The following ARIH1 variants were observed in gnomAD, a reference collection of about 807,000 sequenced individuals.
The protein encoded by ARIH1 is E3 ubiquitin-protein ligase ARIH1.
In ARIH1, 8 loss-of-function variants were observed where a neutral mutation model predicts 85.0. The ratio of observed to expected loss-of-function variants is 0.09; its 90% CI spans 0.06 to 0.17. The LOEUF (loss-of-function observed/expected upper bound fraction) is 0.17. ARIH1 is among the 10% of genes least tolerant of loss of function. ARIH1 has a pLI of 1.00. For synonymous variants in ARIH1, 238 were observed against 253.6 expected (o/e 0.94, Z 0.59); for missense variants, 311 against 718.1 (o/e 0.43, Z 6.48).
chr15:72,484,357 C>T (rs1173850269), intron 1 of ARIH1, among the ~76,000 whole-genome samples: 1 of 151,792 alleles, frequency 6.6e-6, no homozygotes, highest in Non-Finnish European at 1.5e-5. Context: ...GATTTTGGTG[C>T]ACCCATCATC....
intron 2 of ARIH1, among the ~76,000 whole-genome samples, chr15:72,521,782 C>G (rs1312298902): frequency 2.0e-5 from 3 of 152,188 alleles, no homozygotes; most frequent in Admixed American, 2.0e-4. Flanking sequence ...CTCCTGACTT[C>G]AGGTGATCTT....
chr15:72,536,978 A>T lies in ARIH1; in HGVS notation c.444-7842A>T, dbSNP rs919150874. On this transcript the variant is annotated intron_variant, in intron 2 of 13. Transcript: ENST00000379887. ...TACTTTTTCTGAAAAATATATGAGC[A>T]GTATGTATATTTAGCTATAAAAACT... 2.0e-5 allele frequency among the ~76,000 whole-genome samples: 3 copies of T among 152,180 alleles called. No homozygotes were observed. The South Asian group carries it at 6.2e-4, about 32-fold the overall frequency.
chr15:72,593,490 C>T lies in ARIH1; in HGVS notation c.*10198C>T, dbSNP rs955281542. On this transcript the variant is annotated 3_prime_UTR_variant, in exon 14 of 14. Transcript: ENST00000379887. ...TTATGTTTAGGTCTGTGATCCATCT[C>T]AAATTAATTTTTGTGAACAGAATGA... The T allele has an allele frequency of 4.6e-5, 7 of 152,192 alleles. No individual in the cohort carries two copies. The highest frequency in any genetic ancestry group is 1.7e-4 in the African/African-American group (7 of 41,434). 9.4% of individuals were successfully genotyped at this position (152,192 alleles called of 1,614,324 possible). A position where few individuals can be genotyped will look rare whatever the true frequency, so the allele number is the denominator to read the frequency against.
rs2140429443 is a variant in ARIH1 at position 72,556,000 on chromosome 15, T to C, written c.737+93T>C. 2 of 1,153,128 alleles carry C rather than the reference T, an allele frequency of 1.7e-6. 1 individual carries two copies. The highest frequency in any genetic ancestry group is 2.8e-5 in the South Asian group (2 of 72,292). 71.4% of individuals were successfully genotyped at this position (1,153,128 alleles called of 1,614,324 possible). The stretch of plus-strand genomic sequence containing the variant: ...TAGTACCTCAAAGGAAGTGAAACTT[T>C]TTAAAGTCTGAAGAAACTTTTTAAT... On this transcript the variant is annotated intron_variant, in intron 5 of 13. Coordinates refer to ENST00000379887, the MANE Select transcript of ARIH1 (RefSeq NM_005744.5).
At chr15:72,536,935 T>C (rs954145683) in intron 2 of ARIH1, among the ~76,000 whole-genome samples, 2 of 152,168 alleles carry the variant, frequency 1.3e-5, no homozygotes, top group African/African-American at 2.4e-5. Flanking sequence ...AAAAATCTTA[T>C]GGCCTCAAAA....
At chr15:72,497,233 A>G (rs1244341251) in intron 1 of ARIH1, among the ~76,000 whole-genome samples, 1 of 152,218 alleles carries the variant, frequency 6.6e-6, no homozygotes, top group Non-Finnish European at 1.5e-5. Flanking sequence ...GGGAGGAGAA[A>G]CAGAGAAGAT....
rs2064368439 is a variant in ARIH1, at chr15:72,597,712, C to CAGGTAAGGTT, written c.*14421_*14422insGGTAAGGTTA. The CAGGTAAGGTT allele has an allele frequency of 2.0e-5, 3 of 152,300 alleles. No individual in the cohort carries two copies. The East Asian group carries it at 5.8e-4, about 29-fold the overall frequency. 9.4% of individuals were successfully genotyped at this position (152,300 alleles called of 1,614,324 possible). ...ACTACACCTTCCTGTACCTGGTTAT[C>CAGGTAAGGTT]ATCTAAGGGGTAAGATTGGTGGGAA... On this transcript the variant is annotated 3_prime_UTR_variant, in exon 14 of 14. Transcript: ENST00000379887.
chr15:72,541,772 C>CT (rs2064108501), intron 2 of ARIH1, among the ~76,000 whole-genome samples: 1 of 152,126 alleles, frequency 6.6e-6, no homozygotes, highest in Non-Finnish European at 1.5e-5. Context: ...TAAGAAGAAA[C>CT]TAAGTGCTTG....
intron 3 of ARIH1, among the ~76,000 whole-genome samples, chr15:72,547,356 C>G (rs2064134258): frequency 1.3e-5 from 2 of 151,988 alleles, no homozygotes; most frequent in African/African-American, 4.8e-5. Flanking sequence ...CCTCAGCCTC[C>G]CGAGTAGCTG....
chr15:72,497,021 G>C (rs1000957124), intron 1 of ARIH1, among the ~76,000 whole-genome samples: 2 of 152,244 alleles, frequency 1.3e-5, no homozygotes, highest in Non-Finnish European at 2.9e-5. Context: ...TGATGTACTT[G>C]TAAAGGGCAC....
At chr15:72,502,815 A>G (rs2063909200) in intron 1 of ARIH1, among the ~76,000 whole-genome samples, 1 of 152,146 alleles carries the variant, frequency 6.6e-6, no homozygotes, top group Non-Finnish European at 1.5e-5. Flanking sequence ...TAAATAAAAT[A>G]AAATTAAAAA....
At chr15:72,576,629 G>A (rs2064272706) in intron 11 of ARIH1, among the ~76,000 whole-genome samples, 2 of 151,436 alleles carry the variant, frequency 1.3e-5, no homozygotes, top group South Asian at 4.2e-4. Flanking sequence ...ATTCCCTCTA[G>A]AGATTTATGG....
intron 3 of ARIH1, among the ~76,000 whole-genome samples, 175 bp downstream of exon 3, chr15:72,545,139 C>G (rs1363545416): frequency 2.6e-5 from 4 of 152,258 alleles, no homozygotes; most frequent in Middle Eastern, 6.8e-3. Context: ...CTTGGTTCCT[C>G]TTACCTCCAA....
intron 1 of ARIH1, among the ~76,000 whole-genome samples, chr15:72,484,472 G>A (rs1390355587): frequency 6.6e-6 from 1 of 151,226 alleles, no homozygotes; most frequent in Non-Finnish European, 1.5e-5. Flanking sequence ...TTAGGCTTTT[G>A]CATGCTGATA....
intron 2 of ARIH1, among the ~76,000 whole-genome samples, chr15:72,532,295 A>C (rs1264025724): frequency 6.6e-6 from 1 of 152,008 alleles, no homozygotes; most frequent in Non-Finnish European, 1.5e-5. Context: ...TTAAAAAAAA[A>C]CTCTTAAAAT....
At chr15:72,564,316 C>A (rs950668232) in intron 7 of ARIH1, among the ~76,000 whole-genome samples, 3 of 152,182 alleles carry the variant, frequency 2.0e-5, no homozygotes, top group African/African-American at 7.2e-5. Context: ...ATGGCCTTTC[C>A]TCTAGTTTCT....
At chr15:72,563,362 T>G in intron 6 of ARIH1, 32 bp from the exon 7 acceptor site, 1 of 1,584,148 alleles carries the variant, frequency 6.3e-7, no homozygotes. Context: ...CCCAGCCAGC[T>G]GTCATTTTTT....
At chr15:72,516,215 A>T (rs2140409964) in intron 1 of ARIH1, among the ~76,000 whole-genome samples, 1 of 152,232 alleles carries the variant, frequency 6.6e-6, no homozygotes, top group African/African-American at 2.4e-5. Context: ...TACCCCAAGC[A>T]CCCTATCCAG....
At chr15:72,484,512 A>G (rs551887791) in intron 1 of ARIH1, among the ~76,000 whole-genome samples, 3 of 151,982 alleles carry the variant, frequency 2.0e-5, no homozygotes, top group Non-Finnish European at 2.9e-5. Context: ...GTGAGAACAT[A>G]TAATGTTTGG....
Sources: gnomAD v4.1 joint callset for allele counts (sites outside exome capture counted in the v4.1 genomes callset) on GRCh38, gnomAD v4.1.1 for gene constraint, MANE v1.5 for transcripts, NCBI Gene and HGNC (gene_info 2026-07-23, HGNC 2026-07-21) for gene names.